CADPS2: variants seen among roughly 807,000 people sequenced by gnomAD.
The protein encoded by CADPS2 is calcium dependent secretion activator 2.
Under a neutral mutation model 172.5 loss-of-function variants are expected in CADPS2, and 93 were observed. The observed-to-expected ratio is 0.54, with a 90% CI of 0.46 to 0.64. CADPS2 has a LOEUF of 0.64. CADPS2 is among the 30% of genes least tolerant of loss of function. CADPS2 has a pLI of 0.00. For synonymous variants in CADPS2, 546 were observed against 555.2 expected (o/e 0.98, Z 0.23); for missense variants, 1,420 against 1,565.9 (o/e 0.91, Z 1.57).
chr7:122,345,918 C>CTTTTTTTTTTTTTTTT (rs71159791), intron 27 of CADPS2, among the ~76,000 whole-genome samples: 4 of 138,754 alleles, frequency 2.9e-5, no homozygotes, highest in Non-Finnish European at 4.6e-5. Flanking sequence ...CCGTAGATAT[C>CTTTTTTTTTTTTTTTT]TTTTTTTTTT....
At chr7:122,817,728 C>G (rs1372060101) in intron 1 of CADPS2, among the ~76,000 whole-genome samples, 1 of 151,872 alleles carries the variant, frequency 6.6e-6, no homozygotes, top group African/African-American at 2.4e-5. Flanking sequence ...CCCTCAACCC[C>G]TTCTCCTTCA....
chr7:122,591,861 T>A (rs1038107786), intron 6 of CADPS2, among the ~76,000 whole-genome samples: 3 of 152,142 alleles, frequency 2.0e-5, no homozygotes, highest in African/African-American at 7.2e-5. Context: ...GACTCAAATG[T>A]CAGACCTAAA....
intron 4 of CADPS2, among the ~76,000 whole-genome samples, chr7:122,624,162 G>A (rs979005575): frequency 1.3e-5 from 2 of 151,978 alleles, no homozygotes; most frequent in Admixed American, 6.6e-5. Context: ...TCCCTCACTG[G>A]CAAACAACAA....
chr7:122,716,189 C>G (rs918128644), intron 2 of CADPS2, among the ~76,000 whole-genome samples: 4 of 151,988 alleles, frequency 2.6e-5, no homozygotes, highest in Non-Finnish European at 4.4e-5. Context: ...TAATGGAAGT[C>G]TATGCATTCA....
intron 2 of CADPS2, among the ~76,000 whole-genome samples, chr7:122,665,755 G>C (rs571732905): frequency 1.3e-5 from 2 of 152,246 alleles, no homozygotes; most frequent in Admixed American, 1.3e-4. Flanking sequence ...AAGCAGAACT[G>C]TCATGAGTCA....
At chr7:122,458,102 C>G (rs374303898) in intron 14 of CADPS2, among the ~76,000 whole-genome samples, 1 of 152,078 alleles carries the variant, frequency 6.6e-6, no homozygotes, top group Non-Finnish European at 1.5e-5. Flanking sequence ...GCTTCTGCTA[C>G]GAGGAATGAG....
intron 17 of CADPS2, among the ~76,000 whole-genome samples, chr7:122,421,608 A>G (rs943063511): frequency 1.3e-5 from 2 of 152,188 alleles, no homozygotes; most frequent in Non-Finnish European, 2.9e-5. Flanking sequence ...CACTGAGGGG[A>G]TACAATGATT....
chr7:122,375,177 T>A lies in CADPS2; in HGVS notation c.3387+4191A>T, dbSNP rs140051658. Among the ~76,000 whole-genome samples the A allele has an allele frequency of 1.2e-4, 19 of 152,146 alleles. No homozygotes were observed. In the East Asian group the frequency reaches 3.5e-3, roughly 28 times the overall value. On this transcript the variant is annotated intron_variant, in intron 25 of 29. Coordinates refer to ENST00000449022, the MANE Select transcript of CADPS2 (RefSeq NM_017954.11). Reference sequence around the variant, plus strand: ...ATCAAAATCCTAATGGCATTTTTTTTAAAGTAACAGAAAAAGCAATCCAAT... The same window carrying A: ...ATCAAAATCCTAATGGCATTTTTTTAAAAGTAACAGAAAAAGCAATCCAAT...
intron 12 of CADPS2, among the ~76,000 whole-genome samples, chr7:122,476,142 A>G (rs1177821777): frequency 1.3e-5 from 2 of 152,098 alleles, no homozygotes; most frequent in African/African-American, 4.8e-5. Flanking sequence ...GTATCTTAGA[A>G]TATTCATTTT....
At chr7:122,681,082 G>T (rs2082976773) in intron 2 of CADPS2, among the ~76,000 whole-genome samples, 1 of 144,680 alleles carries the variant, frequency 6.9e-6, no homozygotes, top group Non-Finnish European at 1.5e-5. Flanking sequence ...TGAACAATGA[G>T]ACCACATGGA....
At chr7:122,608,894 G>T (rs1243731670) in intron 6 of CADPS2, among the ~76,000 whole-genome samples, 2 of 151,888 alleles carry the variant, frequency 1.3e-5, no homozygotes, top group Non-Finnish European at 2.9e-5. Context: ...TTGTTAAGAG[G>T]TTAGATTTCA....
intron 2 of CADPS2, among the ~76,000 whole-genome samples, chr7:122,731,407 T>C (rs2091628075): frequency 6.6e-6 from 1 of 151,800 alleles, no homozygotes; most frequent in African/African-American, 2.4e-5. Flanking sequence ...TAAATCACAT[T>C]GTCATTTGTT....
At chr7:122,488,812 A>G (rs1402049935) in intron 11 of CADPS2, among the ~76,000 whole-genome samples, 6 of 152,232 alleles carry the variant, frequency 3.9e-5, no homozygotes, top group Non-Finnish European at 2.9e-5. Context: ...TTTTGGCAAC[A>G]TTAGAAATTA....
At chr7:122,884,410 G>A (rs1005430124) in intron 1 of CADPS2, among the ~76,000 whole-genome samples, 1 of 152,110 alleles carries the variant, frequency 6.6e-6, no homozygotes, top group African/African-American at 2.4e-5. Context: ...TAAAAACACC[G>A]CGGGGCATTC....
chr7:122,464,400 T>C (rs1563409337), intron 14 of CADPS2, among the ~76,000 whole-genome samples: 2 of 152,338 alleles, frequency 1.3e-5, no homozygotes, highest in East Asian at 3.9e-4. Flanking sequence ...AAGAGACATA[T>C]ATTCCTTACA....
chr7:122,778,426 G>A (rs1198302823), intron 1 of CADPS2, among the ~76,000 whole-genome samples: 1 of 152,226 alleles, frequency 6.6e-6, no homozygotes, highest in African/African-American at 2.4e-5. Flanking sequence ...CAAGCCTGTT[G>A]CAAAAATTTG....
At chr7:122,881,355 A>T (rs1822883533) in intron 1 of CADPS2, among the ~76,000 whole-genome samples, 1 of 152,152 alleles carries the variant, frequency 6.6e-6, no homozygotes, top group Non-Finnish European at 1.5e-5. Context: ...CATTAGCACA[A>T]CTCATTCCAC....
chr7:122,546,161 T>C lies in CADPS2; in HGVS notation c.1475+8389A>G, dbSNP rs535282499. On this transcript the variant is annotated intron_variant, in intron 8 of 29. Coordinates refer to ENST00000449022, the MANE Select transcript of CADPS2 (RefSeq NM_017954.11). ...GGTATTAATGTTAAAATTGTGGTGA[T>C]GTTTCTTTTTATAATCTGAACACAC... is the stretch of plus-strand genomic sequence containing the variant. Among the ~76,000 whole-genome samples, 4 of 152,302 alleles carry C rather than the reference T, an allele frequency of 2.6e-5. No individual in the cohort carries two copies. In the South Asian group the frequency reaches 8.3e-4, roughly 32 times the overall value.
intron 3 of CADPS2, among the ~76,000 whole-genome samples, chr7:122,650,322 T>A (rs1263103540): frequency 5.3e-5 from 8 of 152,146 alleles, no homozygotes; most frequent in Non-Finnish European, 2.9e-5. Context: ...AGTTGCTTAT[T>A]ATGCTTGAAA....
Sources: allele counts gnomAD v4.1 joint callset (sites outside exome capture counted in the v4.1 genomes callset), GRCh38; gene constraint gnomAD v4.1.1; transcripts MANE v1.5; gene names NCBI Gene and HGNC (gene_info 2026-07-23, HGNC 2026-07-21).